STARD13: variants seen among roughly 807,000 people sequenced by gnomAD.
STARD13 encodes stAR-related lipid transfer protein 13.
In STARD13, 62 loss-of-function variants were observed where a neutral mutation model predicts 106.4. The ratio of observed to expected loss-of-function variants is 0.58; its 90% CI spans 0.48 to 0.72. STARD13 has a LOEUF of 0.72. Among genes scored for constraint, STARD13 ranks in the 30% least tolerant of loss-of-function variants. The pLI is 0.00. For synonymous variants in STARD13, 565 were observed against 553.0 expected (o/e 1.02, Z -0.31); for missense variants, 1,387 against 1,424.0 (o/e 0.97, Z 0.42).
the STARD13 span, among the ~76,000 whole-genome samples, chr13:33,385,467 TAAAAAAA>T: frequency 5.2e-5 from 4 of 76,478 alleles, no homozygotes; most frequent in Admixed American, 1.5e-4. Flanking sequence ...CCCAGAATGG[TAAAAAAA>T]AAAAAAAAAA....
the STARD13 span, among the ~76,000 whole-genome samples, chr13:33,490,825 G>A: frequency 1.3e-5 from 2 of 152,226 alleles, no homozygotes; most frequent in African/African-American, 2.4e-5. Context: ...CACTCAAGCC[G>A]TCTGCGGGTG....
the STARD13 span, among the ~76,000 whole-genome samples, chr13:33,565,304 C>A: frequency 2.0e-5 from 3 of 146,896 alleles, no homozygotes; most frequent in Non-Finnish European, 4.5e-5. Context: ...TAATATTAAT[C>A]AATTGTACAT....
the STARD13 span, among the ~76,000 whole-genome samples, chr13:33,589,392 G>A: frequency 1.3e-5 from 2 of 152,060 alleles, no homozygotes; most frequent in African/African-American, 4.8e-5. Flanking sequence ...TGTGATGTTA[G>A]GGTGTCAATT....
intron 1 of STARD13, among the ~76,000 whole-genome samples, chr13:33,173,690 T>A (rs906534205): frequency 6.6e-6 from 1 of 152,238 alleles, no homozygotes; most frequent in African/African-American, 2.4e-5. Flanking sequence ...ATACAGGTTA[T>A]TTGGAATGAA....
the STARD13 span, among the ~76,000 whole-genome samples, chr13:33,528,243 C>CATATATATATACATAT: frequency 3.3e-4 from 31 of 93,482 alleles, 1 homozygote; most frequent in Admixed American, 2.7e-3. Flanking sequence ...TATATATATA[C>CATATATATATACATAT]ATATATATAT....
chr13:33,115,098 A>G (rs527385057), intron 8 of STARD13, among the ~76,000 whole-genome samples: 53 of 152,206 alleles, frequency 3.5e-4, no homozygotes, highest in South Asian at 1.2e-3. Flanking sequence ...CAGGCCTTAA[A>G]GCCTTATGGT....
chr13:33,532,802 T>C, the STARD13 span, among the ~76,000 whole-genome samples: 1 of 152,220 alleles, frequency 6.6e-6, no homozygotes, highest in Non-Finnish European at 1.5e-5. Context: ...TGGTGTCTGA[T>C]TCCGACATGA....
chr13:33,114,567 A>T (rs1875091977), intron 8 of STARD13, among the ~76,000 whole-genome samples: 2 of 152,186 alleles, frequency 1.3e-5, no homozygotes, highest in South Asian at 2.1e-4. Flanking sequence ...TGGAGGAGAA[A>T]CAGATGGTAC....
At chr13:33,363,077 C>T in the STARD13 span, among the ~76,000 whole-genome samples, 879 of 152,340 alleles carry the variant, frequency 5.8e-3, 9 homozygotes, top group African/African-American at 0.02. Context: ...CAGGGACACA[C>T]GCTGGGCCAA....
At chr13:33,399,700 CAAAAAAAAAAAA>C in the STARD13 span, among the ~76,000 whole-genome samples, 4 of 26,988 alleles carry the variant, frequency 1.5e-4, no homozygotes, top group Admixed American at 5.3e-4. Flanking sequence ...GACTCTGTCT[CAAAAAAAAAAAA>C]AAAAAAAAAA....
chr13:33,243,561 A>G (rs1889658709), intron 1 of STARD13, among the ~76,000 whole-genome samples: 3 of 152,182 alleles, frequency 2.0e-5, no homozygotes, highest in Admixed American at 2.0e-4. Context: ...TTTCTCAAAA[A>G]TGATACCTCT....
chr13:33,629,756 A>C, the STARD13 span, among the ~76,000 whole-genome samples: 3 of 152,194 alleles, frequency 2.0e-5, no homozygotes, highest in Non-Finnish European at 4.4e-5. Context: ...TTTTAACATC[A>C]TTTTTTGAAC....
At chr13:33,371,984 A>G in the STARD13 span, among the ~76,000 whole-genome samples, 2 of 152,364 alleles carry the variant, frequency 1.3e-5, no homozygotes, top group African/African-American at 2.4e-5. Flanking sequence ...CAAGCAACCA[A>G]TCAGAAAGAA....
chr13:33,289,858 A>G (rs1266672226), upstream of STARD13, among the ~76,000 whole-genome samples: 1 of 133,560 alleles, frequency 7.5e-6, no homozygotes, highest in African/African-American at 2.7e-5. Context: ...CACCCCCCCA[A>G]CCCTCAAATG....
At chr13:33,313,934 G>C (rs909536883) in intron 1 of STARD13, among the ~76,000 whole-genome samples, 4 of 151,934 alleles carry the variant, frequency 2.6e-5, no homozygotes, top group African/African-American at 9.7e-5. Flanking sequence ...ACCTTCTTTG[G>C]GCTAATCTCC....
intron 8 of STARD13, chr13:33,113,471 G>A: frequency 2.1e-6 from 1 of 487,258 alleles, no homozygotes; most frequent in Non-Finnish European, 4.1e-6. Flanking sequence ...CACCGGGAGT[G>A]GTGTTGAGCT....
the STARD13 span, among the ~76,000 whole-genome samples, chr13:33,378,811 A>AG: frequency 6.6e-6 from 1 of 150,448 alleles, no homozygotes; most frequent in African/African-American, 2.5e-5. Flanking sequence ...AAAAAAAAAA[A>AG]GAAAAAAAGA....
At chr13:33,285,942 T>C (rs1226703772), upstream of STARD13, among the ~76,000 whole-genome samples, 1 of 151,954 alleles carries the variant, frequency 6.6e-6, no homozygotes, top group African/African-American at 2.4e-5. Context: ...ATACACGTAT[T>C]TGACGTGCCT....
At chr13:33,670,739 C>A in the STARD13 span, among the ~76,000 whole-genome samples, 1 of 152,168 alleles carries the variant, frequency 6.6e-6, no homozygotes, top group Admixed American at 6.5e-5. Flanking sequence ...CACCAGACAT[C>A]CCCTCCCCCG....
Sources: gnomAD v4.1 joint callset for allele counts (sites outside exome capture counted in the v4.1 genomes callset) on GRCh38, gnomAD v4.1.1 for gene constraint, MANE v1.5 for transcripts, NCBI Gene and HGNC (gene_info 2026-07-23, HGNC 2026-07-21) for gene names.